The following PLAC8L1 variants were observed in gnomAD, a reference collection of about 807,000 sequenced individuals.
PLAC8L1 encodes the protein PLAC8-like protein 1.
A neutral mutation model predicts 16.3 loss-of-function variants in PLAC8L1; 13 were observed. That is an observed-to-expected ratio of 0.80 (90% CI 0.52 to 1.27). PLAC8L1 has a LOEUF of 1.27. Among genes scored for constraint, PLAC8L1 ranks in the 50% most tolerant of loss-of-function variants. The pLI is 0.00. For missense variants in PLAC8L1, 184 were observed against 220.2 expected, an observed-to-expected ratio of 0.84 and a Z score of 1.04; for synonymous variants, 78 against 79.3, an observed-to-expected ratio of 0.98 and a Z score of 0.09.
At chr5:146,094,636 A>T (rs1441871000) in intron 2 of PLAC8L1, among the ~76,000 whole-genome samples, 2 of 152,192 alleles carry the variant, frequency 1.3e-5, no homozygotes, top group Admixed American at 1.3e-4. Flanking sequence ...ACCTCAGTTT[A>T]ATCTTCACAT....
chr5:146,102,690 A>G (rs1010867530), intron 1 of PLAC8L1, among the ~76,000 whole-genome samples: 6 of 152,228 alleles, frequency 3.9e-5, no homozygotes, highest in African/African-American at 7.2e-5. Context: ...ATCAAATTCC[A>G]TAAGTTCTTC....
chr5:146,085,245 C>T (rs1183010429), intron 3 of PLAC8L1, among the ~76,000 whole-genome samples: 1 of 152,192 alleles, frequency 6.6e-6, no homozygotes, highest in Non-Finnish European at 1.5e-5. Context: ...TGGCAAAACC[C>T]CATCTCTACT....
chr5:146,105,241 T>C lies in PLAC8L1; in HGVS notation c.-930A>G, dbSNP rs1047901643. Among the ~76,000 whole-genome samples the C allele has an allele frequency of 6.6e-6, 1 of 152,126 alleles. No homozygotes were observed. Among genetic ancestry groups the C allele is most frequent in the Admixed American group, 6.6e-5 (1 of 15,264 alleles). On this transcript the variant is annotated 5_prime_UTR_variant, in exon 1 of 4. The change abolishes an upstream ATG in the 5' untranslated region. Coordinates refer to ENST00000311450, the MANE Select transcript of PLAC8L1 (RefSeq NM_001029869.3). Reference sequence around the variant, plus strand: ...TCATATATTCTTTTCATCAGACCCATAGAGAATGGTTGCTTAGGGTTCTGA... The same window carrying C: ...TCATATATTCTTTTCATCAGACCCACAGAGAATGGTTGCTTAGGGTTCTGA...
chr5:146,099,175 G>A (rs1332870379), intron 1 of PLAC8L1, among the ~76,000 whole-genome samples: 3 of 152,064 alleles, frequency 2.0e-5, no homozygotes, highest in Admixed American at 6.6e-5. Context: ...AGAAGGGGTG[G>A]GTCAAGAGTG....
chr5:146,088,752 A>G (rs1184724797), intron 2 of PLAC8L1, among the ~76,000 whole-genome samples: 4 of 152,198 alleles, frequency 2.6e-5, no homozygotes, highest in Non-Finnish European at 5.9e-5. Context: ...CTACATTTAA[A>G]AAGTAATCTC....
Position 146,091,674 on chromosome 5 carries a change from C to G in PLAC8L1, c.257-6077G>C, listed in dbSNP as rs540393349. ...AAAATTAGCCAGGCATGGTGGCATG[C>G]ACCAGTAGTCCTAGCCACTCTAGAG... On this transcript the variant is annotated intron_variant, in intron 2 of 3. Coordinates refer to ENST00000311450, the MANE Select transcript of PLAC8L1 (RefSeq NM_001029869.3). 1.5e-3 allele frequency among the ~76,000 whole-genome samples: 232 copies of G among 152,040 alleles called. 2 individuals carry two copies. The highest frequency in any genetic ancestry group is 5.3e-3 in the African/African-American group (221 of 41,478).
At chr5:146,085,108 T>G (rs1763486895) in intron 3 of PLAC8L1, among the ~76,000 whole-genome samples, 1 of 152,018 alleles carries the variant, frequency 6.6e-6, no homozygotes, top group Non-Finnish European at 1.5e-5. Context: ...TACTTTTTTT[T>G]TTTTCCACTT....
At position 146,104,576 on chromosome 5, in the gene PLAC8L1, C is replaced by A. The variant is rs1763881429; in HGVS notation, c.-265G>T. On this transcript the variant is annotated 5_prime_UTR_variant, in exon 1 of 4. Coordinates refer to ENST00000311450, the MANE Select transcript of PLAC8L1 (RefSeq NM_001029869.3). Reference sequence around the variant, plus strand: ...GAGTAAATAGAAGAAAAAGACTTATCTTTGGTGGAAAACTCTTTAAGAGAT... The same window carrying A: ...GAGTAAATAGAAGAAAAAGACTTATATTTGGTGGAAAACTCTTTAAGAGAT... 2 of 307,430 alleles carry A rather than the reference C, an allele frequency of 6.5e-6. No individual in the cohort carries two copies. Among genetic ancestry groups the A allele is most frequent in the East Asian group, 9.2e-5 (1 of 10,910 alleles). The allele number at this position is 307,430 out of a possible 1,614,324, so 19.0% of individuals were successfully genotyped here. A position where few individuals can be genotyped will look rare whatever the true frequency, so the allele number is the denominator to read the frequency against.
rs1763893692 is a variant in PLAC8L1, at chr5:146,105,462, C to T, written c.-1151G>A. Among the ~76,000 whole-genome samples, 1 of 150,910 alleles carries T rather than the reference C, an allele frequency of 6.6e-6. No individual in the cohort carries two copies. The highest frequency in any genetic ancestry group is 6.7e-5 in the Admixed American group (1 of 14,990). On this transcript the variant is annotated 5_prime_UTR_variant, in exon 1 of 4. Transcript: ENST00000311450. ...TCTGCTTACTACTCTATTCCAAGTG[C>T]TGACCACAGTGTCTGGCACATAAAA...
intron 1 of PLAC8L1, among the ~76,000 whole-genome samples, chr5:146,103,309 A>C (rs1763852624): frequency 6.6e-6 from 1 of 152,056 alleles, no homozygotes; most frequent in Non-Finnish European, 1.5e-5. Flanking sequence ...ACAGGCATGC[A>C]CCACCACGCC....
chr5:146,087,622 G>A (rs62371915), intron 2 of PLAC8L1, among the ~76,000 whole-genome samples: 4 of 152,150 alleles, frequency 2.6e-5, no homozygotes, highest in Non-Finnish European at 5.9e-5. Context: ...AGGCTCAAGC[G>A]ATCCTCTCAT....
In PLAC8L1 at chr5:146,098,233, G is replaced by T; in HGVS notation, c.179C>A (p.Thr60Lys). ...KQPVRGASGRTTITAIVQTGG... is the reference protein window; with the variant it reads ...KQPVRGASGRKTITAIVQTGG... Reference sequence around the variant, plus strand: ...AGTCTGGACAATTGCTGTGATTGTCGTCCTGCCACTGGCTCCCCGAACAGG... The same window carrying T: ...AGTCTGGACAATTGCTGTGATTGTCTTCCTGCCACTGGCTCCCCGAACAGG... The change falls in exon 2 of 4, where the codon ACG (threonine) becomes AAG (lysine). Residue 60 changes from threonine to lysine, a missense_variant. Transcript: ENST00000311450. The T allele has an allele frequency of 6.2e-7, 1 of 1,614,026 alleles. No individual in the cohort carries two copies. The highest frequency in any genetic ancestry group is 8.5e-7 in the Non-Finnish European group (1 of 1,179,942).
At chr5:146,086,220 G>A (rs982997798) in intron 2 of PLAC8L1, among the ~76,000 whole-genome samples, 5 of 151,180 alleles carry the variant, frequency 3.3e-5, no homozygotes, top group African/African-American at 9.7e-5. Flanking sequence ...TAGTAGAGAC[G>A]GGGTTTCACC....
Position 146,104,473 on chromosome 5 carries a change from T to C in PLAC8L1, c.-162A>G. The C allele has an allele frequency of 1.6e-6, 1 of 612,948 alleles. No homozygotes were observed. The highest frequency in any genetic ancestry group is 2.9e-6 in the Non-Finnish European group (1 of 342,412). The allele number at this position is 612,948 out of a possible 1,614,324, so 38.0% of individuals were successfully genotyped here. On this transcript the variant is annotated 5_prime_UTR_variant, in exon 1 of 4. Coordinates refer to ENST00000311450, the MANE Select transcript of PLAC8L1 (RefSeq NM_001029869.3). ...AGCAGTGTAACTAACAGACATCTTTTTTCTTTAAAAACAGGTATACACCTA... is the reference window on the plus strand; with the variant it reads ...AGCAGTGTAACTAACAGACATCTTTCTTCTTTAAAAACAGGTATACACCTA...
At chr5:146,085,421 A>G (rs1270313545) in intron 3 of PLAC8L1, 40 bp downstream of exon 3, 2 of 1,580,106 alleles carry the variant, frequency 1.3e-6, no homozygotes, top group Admixed American at 3.4e-5. Flanking sequence ...CTAGGTTTTC[A>G]TACAGATTCG....
intron 2 of PLAC8L1, among the ~76,000 whole-genome samples, chr5:146,090,918 G>A (rs907422927): frequency 6.6e-6 from 1 of 152,058 alleles, no homozygotes; most frequent in African/African-American, 2.4e-5. Flanking sequence ...GCCGGGCGTG[G>A]TGGCAGGTGT....
intron 2 of PLAC8L1, among the ~76,000 whole-genome samples, chr5:146,096,611 A>G (rs1190347155): frequency 6.6e-6 from 1 of 152,198 alleles, no homozygotes; most frequent in Non-Finnish European, 1.5e-5. Flanking sequence ...ATGTGATATG[A>G]ACCTGTTCTC....
chr5:146,088,784 C>G (rs915680557), intron 2 of PLAC8L1, among the ~76,000 whole-genome samples: 1 of 152,118 alleles, frequency 6.6e-6, no homozygotes, highest in East Asian at 1.9e-4. Flanking sequence ...CAGGCCCCAC[C>G]CAGCCCGGAT....
chr5:146,104,375 A>ACC lies in PLAC8L1; in HGVS notation c.-65_-64insGG. ...TCCCTTTGGCAATAAGCTGGTTTCTAAACTTCGGATTAGTCCAAAGTGAAA... is the reference window on the plus strand; with the variant it reads ...TCCCTTTGGCAATAAGCTGGTTTCTACCAACTTCGGATTAGTCCAAAGTGAAA... On this transcript the variant is annotated 5_prime_UTR_variant, in exon 1 of 4. An upstream open reading frame in the 5' UTR gains an earlier in-frame stop. Transcript: ENST00000311450. The ACC allele has an allele frequency of 7.7e-7, 1 of 1,302,626 alleles. No homozygotes were observed. Among genetic ancestry groups the ACC allele is most frequent in the Non-Finnish European group, 1.1e-6 (1 of 899,594 alleles). The allele number at this position is 1,302,626 out of a possible 1,614,324, so 80.7% of individuals were successfully genotyped here.
Sources: allele counts gnomAD v4.1 joint callset (sites outside exome capture counted in the v4.1 genomes callset), GRCh38; gene constraint gnomAD v4.1.1; transcripts MANE v1.5; gene names NCBI Gene and HGNC (gene_info 2026-07-23, HGNC 2026-07-21).